Variants in SLC25A48 observed in about 807,000 individuals in gnomAD.
SLC25A48 encodes the protein solute carrier family 25 member 48.
In SLC25A48, 29 loss-of-function variants were observed where a neutral mutation model predicts 32.2. The ratio of observed to expected loss-of-function variants is 0.90; its 90% CI spans 0.67 to 1.23. The LOEUF is 1.23. Ranked by LOEUF, SLC25A48 falls within the 50% of genes most tolerant of loss-of-function variation. The pLI, the probability that SLC25A48 is intolerant of heterozygous loss-of-function variation, is 0.00. For synonymous variants in SLC25A48, 164 were observed against 172.3 expected, an observed-to-expected ratio of 0.95 and a Z score of 0.38; for missense variants, 399 against 422.7, an observed-to-expected ratio of 0.94 and a Z score of 0.49.
At chr5:135,584,441 C>G (rs1345830291) in intron 1 of SLC25A48, among the ~76,000 whole-genome samples, 1 of 152,208 alleles carries the variant, frequency 6.6e-6, no homozygotes, top group African/African-American at 2.4e-5. Context: ...AGGATCACGG[C>G]ATTTTGGTTT....
chr5:135,706,215 T>C (rs1282945602), intron 3 of SLC25A48, among the ~76,000 whole-genome samples: 1 of 152,068 alleles, frequency 6.6e-6, no homozygotes, highest in Non-Finnish European at 1.5e-5. Flanking sequence ...AGGAGGGAGA[T>C]GTTTGTCATG....
chr5:135,684,481 A>G (rs1753972702), intron 3 of SLC25A48, among the ~76,000 whole-genome samples: 1 of 152,168 alleles, frequency 6.6e-6, no homozygotes, highest in African/African-American at 2.4e-5. Flanking sequence ...TGCAGTCTCG[A>G]CAGAGGCCTC....
intron 3 of SLC25A48, among the ~76,000 whole-genome samples, chr5:135,765,573 A>G (rs1457609688): frequency 1.3e-5 from 2 of 150,990 alleles, no homozygotes; most frequent in African/African-American, 4.9e-5. Context: ...AAAGGGTGAT[A>G]TTACTTCCTG....
At chr5:135,592,740 G>A (rs1291309883) in intron 1 of SLC25A48, among the ~76,000 whole-genome samples, 1 of 152,088 alleles carries the variant, frequency 6.6e-6, no homozygotes, top group Non-Finnish European at 1.5e-5. Context: ...GCCCTGAGAG[G>A]CAGCAAGGTA....
At chr5:135,871,250 G>C (rs1561550836) in intron 4 of SLC25A48, among the ~76,000 whole-genome samples, 1 of 152,198 alleles carries the variant, frequency 6.6e-6, no homozygotes, top group Admixed American at 6.5e-5. Context: ...ACGTGGCTGA[G>C]ATCGTCCCCA....
At chr5:135,687,578 C>T (rs1373589360) in intron 3 of SLC25A48, among the ~76,000 whole-genome samples, 1 of 151,832 alleles carries the variant, frequency 6.6e-6, no homozygotes, top group African/African-American at 2.4e-5. Flanking sequence ...TTTAATGTTG[C>T]TGTTTTAATA....
At chr5:135,752,397 C>G (rs1755791345) in intron 3 of SLC25A48, among the ~76,000 whole-genome samples, 1 of 152,178 alleles carries the variant, frequency 6.6e-6, no homozygotes, top group Admixed American at 6.5e-5. Context: ...ATAGTGAAAC[C>G]CCTATCTCTA....
intron 3 of SLC25A48, among the ~76,000 whole-genome samples, chr5:135,719,905 G>A (rs747942287): frequency 3.2e-4 from 49 of 152,194 alleles, no homozygotes; most frequent in African/African-American, 1.1e-3. Flanking sequence ...GGGAGGTCAC[G>A]GTGCAGAGGC....
chr5:135,699,263 A>G (rs1437185039), intron 3 of SLC25A48, among the ~76,000 whole-genome samples: 1 of 152,240 alleles, frequency 6.6e-6, no homozygotes, highest in Non-Finnish European at 1.5e-5. Context: ...GAAGCTGGAA[A>G]CAAACCAAGT....
upstream of SLC25A48, chr5:135,834,521 G>C (rs1410252907): frequency 5.2e-6 from 2 of 383,196 alleles, no homozygotes; most frequent in Non-Finnish European, 9.3e-6. Context: ...GGATAACCCG[G>C]AGAAGGGAGG....
chr5:135,649,244 A>C (rs939785520), intron 3 of SLC25A48: 6 of 152,214 alleles, frequency 3.9e-5, no homozygotes, highest in African/African-American at 1.4e-4. Context: ...AGATTATTTT[A>C]GGGTGGAAAA....
At chr5:135,715,123 G>C (rs1176953837) in intron 3 of SLC25A48, among the ~76,000 whole-genome samples, 1 of 152,222 alleles carries the variant, frequency 6.6e-6, no homozygotes, top group East Asian at 1.9e-4. Flanking sequence ...GGGCAAATAT[G>C]AGGAGGTGAG....
chr5:135,754,262 T>A (rs1317015643), intron 3 of SLC25A48, among the ~76,000 whole-genome samples: 1 of 150,576 alleles, frequency 6.6e-6, no homozygotes, highest in Non-Finnish European at 1.5e-5. Flanking sequence ...TCAAGGGTAT[T>A]ATTATGCAGG....
chr5:135,882,043 A>G (rs1762509771), intron 7 of SLC25A48, among the ~76,000 whole-genome samples: 2 of 152,226 alleles, frequency 1.3e-5, no homozygotes, highest in African/African-American at 4.8e-5. Context: ...ATTTCTAGCT[A>G]CCCAATCACG....
chr5:135,748,624 G>A (rs905710089), intron 3 of SLC25A48, among the ~76,000 whole-genome samples: 2 of 152,074 alleles, frequency 1.3e-5, no homozygotes, highest in East Asian at 3.9e-4. Context: ...GAGGTGAAGT[G>A]ACTTGCTTAA....
intron 1 of SLC25A48, among the ~76,000 whole-genome samples, chr5:135,583,555 A>G (rs1751282506): frequency 6.6e-6 from 1 of 151,766 alleles, no homozygotes; most frequent in Admixed American, 6.6e-5. Flanking sequence ...TGAGGCCACA[A>G]CTGGCCTTCA....
chr5:135,595,101 T>G (rs1751614077), intron 1 of SLC25A48, among the ~76,000 whole-genome samples: 1 of 152,166 alleles, frequency 6.6e-6, no homozygotes, highest in South Asian at 2.1e-4. Context: ...AAACAGTCCC[T>G]GGTGGAGGCA....
Position 135,675,480 on chromosome 5 carries a change from T to C in SLC25A48, c.-521+40524T>C, listed in dbSNP as rs529816835. 5.9e-5 allele frequency among the ~76,000 whole-genome samples: 9 copies of C among 152,208 alleles called. No homozygotes were observed. In the South Asian group the frequency reaches 1.9e-3, roughly 32 times the overall value. ...AGGGTGTCCTTTCACCAGTGTATGTTCTTGGCACCTTTATTGAAAATCAGT... is the reference window on the plus strand; with the variant it reads ...AGGGTGTCCTTTCACCAGTGTATGTCCTTGGCACCTTTATTGAAAATCAGT... On this transcript the variant is annotated intron_variant, in intron 3 of 10. Coordinates refer to the SLC25A48 transcript ENST00000646290.
At chr5:135,813,686 C>A (rs1334693448) in intron 4 of SLC25A48, among the ~76,000 whole-genome samples, 1 of 152,172 alleles carries the variant, frequency 6.6e-6, no homozygotes, top group Non-Finnish European at 1.5e-5. Context: ...AGTTGGCAAC[C>A]AGCTCATCTG....
Sources: allele counts gnomAD v4.1 joint callset (sites outside exome capture counted in the v4.1 genomes callset), GRCh38; gene constraint gnomAD v4.1.1; transcripts MANE v1.5; gene names NCBI Gene and HGNC (gene_info 2026-07-23, HGNC 2026-07-21).